Variants in ALK observed in about 807,000 individuals in gnomAD.
The protein encoded by ALK is ALK tyrosine kinase receptor.
Under a neutral mutation model 163.1 loss-of-function variants are expected in ALK, and 74 were observed. The observed-to-expected ratio is 0.45, with a 90% CI of 0.38 to 0.55. ALK has a LOEUF of 0.55. Among genes scored for constraint, ALK ranks in the 20% least tolerant of loss-of-function variants. The pLI is 0.00. For synonymous variants in ALK, 960 were observed against 843.2 expected (o/e 1.14, Z -2.40); for missense variants, 2,063 against 2,105.3 (o/e 0.98, Z 0.39).
chr2:29,838,051 G>T (rs1665606590), intron 1 of ALK, among the ~76,000 whole-genome samples: 1 of 152,090 alleles, frequency 6.6e-6, no homozygotes, highest in Admixed American at 6.6e-5. Flanking sequence ...TGCAATTCTA[G>T]AACAGAGAAA....
chr2:29,766,493 C>G (rs1030383560), intron 1 of ALK, among the ~76,000 whole-genome samples: 9 of 152,192 alleles, frequency 5.9e-5, no homozygotes, highest in Admixed American at 1.3e-4. Flanking sequence ...TCTTCCCCAC[C>G]ACCTCCTGTT....
At chr2:29,644,620 G>A (rs965637778) in intron 3 of ALK, among the ~76,000 whole-genome samples, 42 of 140,156 alleles carry the variant, frequency 3.0e-4, no homozygotes, top group African/African-American at 1.3e-3. Context: ...CATTCATGTA[G>A]GAATCAAATT....
chr2:29,413,174 C>T (rs1264076225), intron 4 of ALK, among the ~76,000 whole-genome samples: 1 of 152,078 alleles, frequency 6.6e-6, no homozygotes, highest in African/African-American at 2.4e-5. Context: ...CAACATGAGA[C>T]TAAATCAAGC....
chr2:29,347,234 A>G (rs541004629), intron 5 of ALK, among the ~76,000 whole-genome samples: 1 of 152,286 alleles, frequency 6.6e-6, no homozygotes, highest in Admixed American at 6.5e-5. Flanking sequence ...TTCTCCTAGA[A>G]CATTCTAAGA....
At chr2:29,478,668 C>T (rs535510663) in intron 4 of ALK, among the ~76,000 whole-genome samples, 4 of 152,308 alleles carry the variant, frequency 2.6e-5, no homozygotes, top group South Asian at 2.1e-4. Context: ...GGATTGATGC[C>T]GATCTGTATC....
At chr2:29,799,058 A>C in intron 1 of ALK, among the ~76,000 whole-genome samples, 1 of 152,200 alleles carries the variant, frequency 6.6e-6, no homozygotes. Context: ...TATTGTGAGA[A>C]ATCAATGAGA....
chr2:29,455,386 G>C (rs1274493898), intron 4 of ALK, among the ~76,000 whole-genome samples: 1 of 152,184 alleles, frequency 6.6e-6, no homozygotes, highest in Non-Finnish European at 1.5e-5. Flanking sequence ...CAGCAAGGTG[G>C]GGCCTGTGGT....
At chr2:29,669,126 G>T (rs1401403963) in intron 3 of ALK, among the ~76,000 whole-genome samples, 1 of 152,006 alleles carries the variant, frequency 6.6e-6, no homozygotes, top group African/African-American at 2.4e-5. Context: ...GATCTAGTGT[G>T]TAAGTTAACA....
chr2:29,773,903 G>C (rs991112496), intron 1 of ALK, among the ~76,000 whole-genome samples: 1 of 152,334 alleles, frequency 6.6e-6, no homozygotes, highest in East Asian at 1.9e-4. Flanking sequence ...TTAGAACTGG[G>C]ATGGTGCCAG....
chr2:29,867,865 A>C (rs770060336), intron 1 of ALK, among the ~76,000 whole-genome samples: 22 of 152,170 alleles, frequency 1.4e-4, no homozygotes, highest in Non-Finnish European at 2.2e-4. Context: ...TGCTTGAGTG[A>C]GGGGTGTGCT....
intron 16 of ALK, among the ~76,000 whole-genome samples, chr2:29,228,630 A>G (rs527337400): frequency 3.3e-5 from 5 of 151,978 alleles, no homozygotes; most frequent in Admixed American, 2.6e-4. Context: ...CCTCTTTATC[A>G]TCGACTTTGG....
At chr2:29,449,645 AGAAGCTGAGGGCT>A (rs1319137667) in intron 4 of ALK, among the ~76,000 whole-genome samples, 2 of 152,222 alleles carry the variant, frequency 1.3e-5, no homozygotes, top group Non-Finnish European at 2.9e-5. Context: ...GTCTGTCTGT[AGAAGCTGAGGGCT>A]TACGGATGTT....
At chr2:29,473,597 C>T (rs952264742) in intron 4 of ALK, among the ~76,000 whole-genome samples, 1 of 151,952 alleles carries the variant, frequency 6.6e-6, no homozygotes, top group African/African-American at 2.4e-5. Flanking sequence ...AGGACCTTCA[C>T]AAAAGAAATA....
At chr2:29,689,624 G>T (rs1053066096) in intron 3 of ALK, among the ~76,000 whole-genome samples, 4 of 152,166 alleles carry the variant, frequency 2.6e-5, no homozygotes, top group Non-Finnish European at 5.9e-5. Flanking sequence ...GACGCAGGGG[G>T]AGAAAAACCA....
intron 12 of ALK, among the ~76,000 whole-genome samples, chr2:29,240,568 G>A (rs937224973): frequency 6.6e-6 from 1 of 152,304 alleles, no homozygotes; most frequent in Admixed American, 6.5e-5. Flanking sequence ...GTGTATATGA[G>A]CCGACTGTCT....
At chr2:29,644,978 A>G (rs1003425152) in intron 3 of ALK, among the ~76,000 whole-genome samples, 3 of 152,178 alleles carry the variant, frequency 2.0e-5, no homozygotes, top group African/African-American at 7.2e-5. Context: ...CCCAATGTCA[A>G]TTCTCCATAG....
At chr2:29,779,154 TA>T (rs77693752) in intron 1 of ALK, among the ~76,000 whole-genome samples, 17 of 144,332 alleles carry the variant, frequency 1.2e-4, no homozygotes, top group African/African-American at 1.8e-4. Context: ...AGACGCCGTC[TA>T]AAAAAAAAAC....
At chr2:29,311,919 T>A (rs1312337880) in intron 8 of ALK, among the ~76,000 whole-genome samples, 1 of 152,048 alleles carries the variant, frequency 6.6e-6, no homozygotes, top group Non-Finnish European at 1.5e-5. Context: ...TTTTGGCAGA[T>A]TGGAGGAGGG....
intron 5 of ALK, among the ~76,000 whole-genome samples, chr2:29,364,729 G>C (rs1008581450): frequency 6.6e-6 from 1 of 152,166 alleles, no homozygotes; most frequent in Admixed American, 6.5e-5. Flanking sequence ...GTGGGTGACG[G>C]AGCAATCCTT....
Sources: allele counts gnomAD v4.1 joint callset (sites outside exome capture counted in the v4.1 genomes callset), GRCh38; gene constraint gnomAD v4.1.1; transcripts MANE v1.5; gene names NCBI Gene and HGNC (gene_info 2026-07-23, HGNC 2026-07-21).